Variants in SUGCT observed in about 807,000 individuals in gnomAD.
The protein encoded by SUGCT is succinyl-CoA:glutarate CoA-transferase.
Under a neutral mutation model 55.0 loss-of-function variants are expected in SUGCT, and 41 were observed. The ratio of observed to expected loss-of-function variants is 0.74; its 90% CI spans 0.58 to 0.97. The LOEUF is 0.97. SUGCT is among the 50% of genes least tolerant of loss of function. The pLI, the probability that SUGCT is intolerant of heterozygous loss-of-function variation, is 0.00. For synonymous variants in SUGCT, 187 were observed against 200.4 expected (o/e 0.93, Z 0.56); for missense variants, 568 against 547.8 (o/e 1.04, Z -0.37).
intron 5 of SUGCT, 46 bp from the exon 6 acceptor site, chr7:40,194,894 G>C (rs748961117): frequency 6.3e-7 from 1 of 1,579,682 alleles, no homozygotes; most frequent in African/African-American, 1.3e-5. Context: ...TATCATGTGG[G>C]GATTTGTTGA....
chr7:40,639,205 G>C (rs911798759), intron 12 of SUGCT, among the ~76,000 whole-genome samples: 4 of 152,112 alleles, frequency 2.6e-5, no homozygotes, highest in South Asian at 2.1e-4. Flanking sequence ...AGTACTCCTT[G>C]TAGGTCTGTC....
In SUGCT at chr7:40,679,602, TGCTG is replaced by T. The variant is rs1229434931; in HGVS notation, c.1090-69826_1090-69823del. Among the ~76,000 whole-genome samples, 3 of 152,334 alleles carry T rather than the reference TGCTG, an allele frequency of 2.0e-5. No homozygotes were observed. In the East Asian group the frequency reaches 5.8e-4, roughly 29 times the overall value. On this transcript the variant is annotated intron_variant, in intron 12 of 13. Transcript: ENST00000335693. Reference sequence around the variant, plus strand: ...AACCTTTCCCACTTTGCTGCTGTTCTGCTGGCTGGATGCAGAGAATACCTTTTCT... The same window carrying T: ...AACCTTTCCCACTTTGCTGCTGTTCTGCTGGATGCAGAGAATACCTTTTCT...
At position 40,695,450 on chromosome 7, in the gene SUGCT, G is replaced by A. The variant is rs564962954; in HGVS notation, c.1090-53984G>A. Among the ~76,000 whole-genome samples the A allele has an allele frequency of 1.9e-3, 283 of 152,002 alleles. 2 individuals are homozygous for A. The highest frequency in any genetic ancestry group is 6.4e-3 in the African/African-American group (267 of 41,454). On this transcript the variant is annotated intron_variant, in intron 12 of 13. Transcript: ENST00000335693. ...TGGGCTCAAGTGATCTGCCTGCCTCGGCCTCCCAAAGTGTTGGGATTACAG... is the reference window on the plus strand; with the variant it reads ...TGGGCTCAAGTGATCTGCCTGCCTCAGCCTCCCAAAGTGTTGGGATTACAG...
chr7:40,553,073 G>A (rs1340104997), intron 12 of SUGCT, among the ~76,000 whole-genome samples: 1 of 152,128 alleles, frequency 6.6e-6, no homozygotes, highest in Non-Finnish European at 1.5e-5. Flanking sequence ...TGTTCAAAAT[G>A]GTAACAATAG....
At chr7:40,538,089 T>A (rs902917602) in intron 12 of SUGCT, 6 of 152,198 alleles carry the variant, frequency 3.9e-5, no homozygotes, top group South Asian at 2.1e-4. Flanking sequence ...ACATTATTAT[T>A]TGTGTTGCTC....
the SUGCT span, among the ~76,000 whole-genome samples, chr7:40,959,104 C>A: frequency 9.2e-5 from 14 of 152,314 alleles, no homozygotes; most frequent in East Asian, 2.7e-3. Context: ...TATCTCTTGA[C>A]CCCTGCTGGG....
At chr7:40,363,605 C>T (rs1274173895) in intron 9 of SUGCT, among the ~76,000 whole-genome samples, 1 of 152,148 alleles carries the variant, frequency 6.6e-6, no homozygotes, top group East Asian at 1.9e-4. Context: ...TGTTCAGTTT[C>T]CATGTAGTTG....
the SUGCT span, among the ~76,000 whole-genome samples, chr7:40,926,080 G>A: frequency 6.6e-6 from 1 of 151,684 alleles, no homozygotes; most frequent in Non-Finnish European, 1.5e-5. Flanking sequence ...CAGCCTGGGT[G>A]ACAGAGCAAG....
At chr7:40,857,943 C>A (rs1794271626) in intron 13 of SUGCT, among the ~76,000 whole-genome samples, 1 of 152,070 alleles carries the variant, frequency 6.6e-6, no homozygotes, top group Admixed American at 6.5e-5. Flanking sequence ...TTGTTGAACC[C>A]AACAGACGTG....
chr7:40,554,861 A>G (rs964303697), intron 12 of SUGCT, among the ~76,000 whole-genome samples: 6 of 151,450 alleles, frequency 4.0e-5, no homozygotes, highest in African/African-American at 4.9e-5. Context: ...TGTTTATTTC[A>G]CTCCTCTGCC....
the SUGCT span, among the ~76,000 whole-genome samples, chr7:40,918,752 A>G: frequency 1.3e-5 from 2 of 152,216 alleles, no homozygotes; most frequent in African/African-American, 2.4e-5. Context: ...ATCTTTGTTT[A>G]TGACTGAAAT....
chr7:40,259,778 C>T (rs1490299175), intron 7 of SUGCT, among the ~76,000 whole-genome samples: 2 of 152,168 alleles, frequency 1.3e-5, no homozygotes, highest in Non-Finnish European at 1.5e-5. Context: ...GTTTTATTCT[C>T]TAATTGCATC....
At chr7:41,033,299 A>G in the SUGCT span, among the ~76,000 whole-genome samples, 1 of 151,690 alleles carries the variant, frequency 6.6e-6, no homozygotes, top group Non-Finnish European at 1.5e-5. Flanking sequence ...TCCTTTCTGG[A>G]CTCACTTCCA....
the SUGCT span, among the ~76,000 whole-genome samples, chr7:40,938,283 A>G: frequency 2.0e-5 from 3 of 151,936 alleles, no homozygotes; most frequent in Non-Finnish European, 2.9e-5. Context: ...TTTCTTTTTT[A>G]TATCATGTAT....
intron 12 of SUGCT, among the ~76,000 whole-genome samples, chr7:40,519,006 T>G (rs1319463674): frequency 6.6e-6 from 1 of 152,156 alleles, no homozygotes; most frequent in Non-Finnish European, 1.5e-5. Context: ...CTTAACTCTG[T>G]GTGCTTGGTA....
chr7:40,753,653 A>C (rs1277765696), intron 13 of SUGCT, among the ~76,000 whole-genome samples: 1 of 152,174 alleles, frequency 6.6e-6, no homozygotes, highest in Non-Finnish European at 1.5e-5. Context: ...ATTACCAGAA[A>C]CTTGTCTCTT....
the SUGCT span, among the ~76,000 whole-genome samples, chr7:40,934,132 CT>C: frequency 1.3e-5 from 2 of 152,118 alleles, no homozygotes; most frequent in Non-Finnish European, 2.9e-5. Flanking sequence ...ATTGGATGTC[CT>C]TTTTGTTGAT....
chr7:40,930,308 G>A, the SUGCT span, among the ~76,000 whole-genome samples: 35 of 152,198 alleles, frequency 2.3e-4, no homozygotes, highest in African/African-American at 8.2e-4. Flanking sequence ...GTACCATGCT[G>A]TTTTGGTTAC....
intron 13 of SUGCT, among the ~76,000 whole-genome samples, chr7:40,797,461 A>G (rs1385978166): frequency 6.6e-6 from 1 of 152,178 alleles, no homozygotes; most frequent in Non-Finnish European, 1.5e-5. Context: ...CGGTCACATC[A>G]GTCCCCGTAG....
Sources: allele counts gnomAD v4.1 joint callset (sites outside exome capture counted in the v4.1 genomes callset), GRCh38; gene constraint gnomAD v4.1.1; transcripts MANE v1.5; gene names NCBI Gene and HGNC (gene_info 2026-07-23, HGNC 2026-07-21).